SMYD3: variants seen among roughly 807,000 people sequenced by gnomAD.
The protein encoded by SMYD3 is SET and MYND domain containing 3, also known as histone-lysine N-methyltransferase SMYD3.
A neutral mutation model predicts 57.7 loss-of-function variants in SMYD3; 36 were observed. That is an observed-to-expected ratio of 0.62 (90% confidence interval 0.48 to 0.82). SMYD3 has a LOEUF of 0.82. SMYD3 is among the 40% of genes least tolerant of loss of function. SMYD3 has a pLI of 0.00. For missense variants in SMYD3, 515 were observed against 538.8 expected (o/e 0.96, Z 0.44); for synonymous variants, 211 against 195.0 (o/e 1.08, Z -0.68).
intron 5 of SMYD3, among the ~76,000 whole-genome samples, chr1:246,296,000 A>AG (rs546260826): frequency 2.6e-5 from 4 of 152,176 alleles, no homozygotes; most frequent in Non-Finnish European, 5.9e-5. Context: ...ATGCATGCGG[A>AG]GGTAGGTTTT....
rs575095720 is a variant in SMYD3 at position 245,942,819 on chromosome 1, G to T, written c.532-12882C>A. Among the ~76,000 whole-genome samples the T allele has an allele frequency of 5.3e-5, 8 of 152,262 alleles. No individual in the cohort carries two copies. The South Asian group carries it at 1.7e-3, about 32-fold the overall frequency. On this transcript the variant is annotated intron_variant, in intron 5 of 11. Coordinates refer to ENST00000490107, the MANE Select transcript of SMYD3 (RefSeq NM_001167740.2). ...ACAGCACAATCAAATTAGAACTCAAGATTAAGAAACTCACTCAAAACCACA... is the reference window on the plus strand; with the variant it reads ...ACAGCACAATCAAATTAGAACTCAATATTAAGAAACTCACTCAAAACCACA...
chr1:246,111,076 C>T (rs2061229711), intron 5 of SMYD3, among the ~76,000 whole-genome samples: 1 of 151,942 alleles, frequency 6.6e-6, no homozygotes, highest in South Asian at 2.1e-4. Context: ...GGACCCTGAC[C>T]CATGCATAAC....
rs969285896 is a variant in SMYD3, at chr1:246,174,126, A to T, written c.531+153075T>A. Among the ~76,000 whole-genome samples, 3 of 151,978 alleles carry T rather than the reference A, an allele frequency of 2.0e-5. No individual in the cohort carries two copies. The East Asian group carries it at 5.8e-4, about 29-fold the overall frequency. On this transcript the variant is annotated intron_variant, in intron 5 of 11. Transcript: ENST00000490107. ...CATCTGGCCAACTTTATTTTTTTTAATAAGTAGAAGGAGTGTGCTCTAAGG... is the reference window on the plus strand; with the variant it reads ...CATCTGGCCAACTTTATTTTTTTTATTAAGTAGAAGGAGTGTGCTCTAAGG...
chr1:246,410,475 A>G (rs925576016), intron 1 of SMYD3, among the ~76,000 whole-genome samples: 1 of 152,310 alleles, frequency 6.6e-6, no homozygotes, highest in African/African-American at 2.4e-5. Flanking sequence ...GACTACATTT[A>G]TTGATTTTCG....
intron 5 of SMYD3, among the ~76,000 whole-genome samples, chr1:246,188,463 A>C (rs1323630071): frequency 6.6e-6 from 1 of 152,178 alleles, no homozygotes; most frequent in African/African-American, 2.4e-5. Context: ...AACCATTTTA[A>C]GTGTACACTT....
At chr1:246,016,895 T>A (rs1009722905) in intron 5 of SMYD3, among the ~76,000 whole-genome samples, 1 of 152,136 alleles carries the variant, frequency 6.6e-6, no homozygotes, top group African/African-American at 2.4e-5. Context: ...CTTGTCGGTC[T>A]AATGCTAAGA....
At chr1:245,921,746 C>T (rs1346151232) in intron 7 of SMYD3, among the ~76,000 whole-genome samples, 2 of 152,000 alleles carry the variant, frequency 1.3e-5, no homozygotes, top group Non-Finnish European at 2.9e-5. Flanking sequence ...GAGAATCTAT[C>T]GAACCAAACA....
At chr1:246,127,740 A>G (rs1291497427) in intron 5 of SMYD3, among the ~76,000 whole-genome samples, 1 of 152,060 alleles carries the variant, frequency 6.6e-6, no homozygotes, top group African/African-American at 2.4e-5. Flanking sequence ...TACTAAAAAT[A>G]CAAAAATTAG....
At chr1:245,985,329 A>G (rs1171735119) in intron 5 of SMYD3, among the ~76,000 whole-genome samples, 1 of 152,134 alleles carries the variant, frequency 6.6e-6, no homozygotes, top group Non-Finnish European at 1.5e-5. Flanking sequence ...AACTTCAACT[A>G]CATAGAATGA....
intron 5 of SMYD3, among the ~76,000 whole-genome samples, chr1:246,131,471 A>G (rs1033177871): frequency 6.6e-6 from 1 of 152,224 alleles, no homozygotes; most frequent in Non-Finnish European, 1.5e-5. Context: ...GTTCTTATTC[A>G]TAAGGCTGAC....
chr1:246,417,486 T>G (rs1572482107), intron 1 of SMYD3: 2 of 152,208 alleles, frequency 1.3e-5, no homozygotes, highest in East Asian at 3.9e-4. Context: ...TGCTACTGAT[T>G]GGTTGGAGAT....
intron 1 of SMYD3, among the ~76,000 whole-genome samples, chr1:246,464,061 G>T (rs1346311230): frequency 1.3e-5 from 2 of 152,090 alleles, no homozygotes; most frequent in South Asian, 2.1e-4. Context: ...ATTAACAAAG[G>T]TTTTGAGAAA....
chr1:246,141,903 T>C (rs1372009178), intron 5 of SMYD3, among the ~76,000 whole-genome samples: 1 of 152,212 alleles, frequency 6.6e-6, no homozygotes, highest in East Asian at 1.9e-4. Flanking sequence ...TATAAAGAAG[T>C]CAAATTATGT....
At chr1:246,452,675 A>G (rs1038108868) in intron 1 of SMYD3, among the ~76,000 whole-genome samples, 1 of 152,252 alleles carries the variant, frequency 6.6e-6, no homozygotes, top group African/African-American at 2.4e-5. Context: ...AAGCAACCAT[A>G]TAAGTAGGTC....
chr1:245,944,340 A>G (rs1275835575), intron 5 of SMYD3, among the ~76,000 whole-genome samples: 1 of 152,192 alleles, frequency 6.6e-6, no homozygotes, highest in Non-Finnish European at 1.5e-5. Context: ...AAGCATTCCT[A>G]TACACCAACA....
At chr1:245,960,844 T>C (rs181526635) in intron 5 of SMYD3, among the ~76,000 whole-genome samples, 169 of 152,368 alleles carry the variant, frequency 1.1e-3, no homozygotes, top group Admixed American at 3.8e-3. Flanking sequence ...AGATATACTT[T>C]GCATTTTTCA....
At chr1:246,030,718 C>A (rs2059656170) in intron 5 of SMYD3, among the ~76,000 whole-genome samples, 1 of 152,084 alleles carries the variant, frequency 6.6e-6, no homozygotes, top group Non-Finnish European at 1.5e-5. Context: ...GGAGTTGCAC[C>A]ATCGCCACAC....
At chr1:246,265,866 A>C (rs1408438382) in intron 5 of SMYD3, among the ~76,000 whole-genome samples, 5 of 152,186 alleles carry the variant, frequency 3.3e-5, no homozygotes, top group African/African-American at 9.7e-5. Flanking sequence ...CCTTATATTG[A>C]CAATCTTCCA....
intron 1 of SMYD3, among the ~76,000 whole-genome samples, chr1:246,431,175 A>G (rs2067291875): frequency 6.6e-6 from 1 of 152,184 alleles, no homozygotes; most frequent in Non-Finnish European, 1.5e-5. Context: ...TAGTATCTAC[A>G]AAGAATAGGC....
Sources: gnomAD v4.1 joint callset for allele counts (sites outside exome capture counted in the v4.1 genomes callset) on GRCh38, gnomAD v4.1.1 for gene constraint, MANE v1.5 for transcripts, NCBI Gene and HGNC (gene_info 2026-07-23, HGNC 2026-07-21) for gene names.